The following NCKAP5 variants were observed in gnomAD, a reference collection of about 807,000 sequenced individuals.
The protein encoded by NCKAP5 is NCK associated protein 5, also known as nck-associated protein 5.
In NCKAP5, 92 loss-of-function variants were observed where a neutral mutation model predicts 167.0. That is an observed-to-expected ratio of 0.55 (90% confidence interval 0.47 to 0.66). The LOEUF is 0.66. Ranked by LOEUF, NCKAP5 falls within the 30% of genes least tolerant of loss-of-function variation. NCKAP5 has a pLI of 0.00. For synonymous variants in NCKAP5, 891 were observed against 877.4 expected (o/e 1.02, Z -0.27); for missense variants, 2,378 against 2,315.0 (o/e 1.03, Z -0.56).
In NCKAP5 at chr2:133,115,621, TTCTC is replaced by T. The variant is rs1401998222; in HGVS notation, c.341+14353_341+14356del. On this transcript the variant is annotated intron_variant, in intron 6 of 19. Coordinates refer to ENST00000409261, the MANE Select transcript of NCKAP5 (RefSeq NM_207363.3). ...GCTTCTATTCTTTTCCCATCCCATC[TTCTC>T]TCTTTCTATTTAAAGTTAACAACTT... Among the ~76,000 whole-genome samples the T allele has an allele frequency of 2.6e-5, 4 of 151,674 alleles. No individual in the cohort carries two copies. The East Asian group carries it at 7.7e-4, about 29-fold the overall frequency.
intron 19 of NCKAP5, among the ~76,000 whole-genome samples, chr2:132,700,913 G>A (rs7559639): frequency 1.4e-3 from 171 of 120,884 alleles, no homozygotes; most frequent in African/African-American, 5.4e-3. Context: ...CCTGCATGCT[G>A]GTTACAATCC....
the NCKAP5 span, among the ~76,000 whole-genome samples, chr2:133,660,493 G>A: frequency 6.6e-6 from 1 of 152,032 alleles, no homozygotes; most frequent in Non-Finnish European, 1.5e-5. Flanking sequence ...GGGATTGCAT[G>A]CAATTTTTTA....
At chr2:133,629,663 CA>C in the NCKAP5 span, among the ~76,000 whole-genome samples, 1 of 151,896 alleles carries the variant, frequency 6.6e-6, no homozygotes, top group African/African-American at 2.4e-5. Flanking sequence ...CATTGTATCA[CA>C]AAGATTCATG....
intron 19 of NCKAP5, among the ~76,000 whole-genome samples, chr2:132,721,581 G>A (rs1000078543): frequency 1.3e-5 from 2 of 152,132 alleles, no homozygotes; most frequent in African/African-American, 2.4e-5. Context: ...CTCAAGGCAC[G>A]TCCTCCTGTT....
intron 19 of NCKAP5, among the ~76,000 whole-genome samples, chr2:132,683,396 C>A (rs1285853784): frequency 6.6e-6 from 1 of 152,160 alleles, no homozygotes; most frequent in East Asian, 1.9e-4. Context: ...TTGGCAACAG[C>A]AATTTTCTTT....
rs763002749 is a variant in NCKAP5, at chr2:133,517,570, C to T, written c.-44G>A. ...TCTTTTGTGACTTATAAGAATCCCC[C>T]GTCTGTTTCCAGGGTCACTGAAAAG... On this transcript the variant is annotated 5_prime_UTR_variant, in exon 3 of 20. Transcript: ENST00000409261. 41 of 1,326,260 alleles carry T rather than the reference C, an allele frequency of 3.1e-5. 1 individual carries two copies. The highest frequency in any genetic ancestry group is 3.0e-4 in the South Asian group (21 of 69,706). 82.2% of individuals were successfully genotyped at this position (1,326,260 alleles called of 1,614,324 possible). A position where few individuals can be genotyped will look rare whatever the true frequency, so the allele number is the denominator to read the frequency against.
chr2:133,392,346 T>C (rs1490091394), intron 3 of NCKAP5, among the ~76,000 whole-genome samples: 1 of 152,204 alleles, frequency 6.6e-6, no homozygotes, highest in Non-Finnish European at 1.5e-5. Flanking sequence ...CCTAGGTGTA[T>C]AGGAAGCTAT....
chr2:132,944,888 G>C (rs1697582652), intron 8 of NCKAP5, among the ~76,000 whole-genome samples: 1 of 152,124 alleles, frequency 6.6e-6, no homozygotes, highest in African/African-American at 2.4e-5. Flanking sequence ...ATAAATGAGG[G>C]ACTGTGGGCA....
chr2:132,740,078 G>C (rs1004144671), intron 16 of NCKAP5, among the ~76,000 whole-genome samples: 1 of 152,038 alleles, frequency 6.6e-6, no homozygotes. Context: ...AATTATGCTA[G>C]TAATCACCTT....
At chr2:133,266,681 G>A (rs963781222) in intron 4 of NCKAP5, among the ~76,000 whole-genome samples, 1 of 152,166 alleles carries the variant, frequency 6.6e-6, no homozygotes, top group South Asian at 2.1e-4. Context: ...TGGGCCACGC[G>A]CTCACCGCAG....
rs542392659 is a variant in NCKAP5, at chr2:133,217,220, T to C, written c.144-3441A>G. Among the ~76,000 whole-genome samples, 11 of 152,240 alleles carry C rather than the reference T, an allele frequency of 7.2e-5. No homozygotes were observed. The South Asian group carries it at 2.3e-3, about 32-fold the overall frequency. On this transcript the variant is annotated intron_variant, in intron 4 of 19. Transcript: ENST00000409261. ...GATATTTTAAATTTAAAAGTTTCTC[T>C]TTACTTTTGTAATGAAGTATAAAGT...
chr2:133,374,974 C>G (rs531808964), intron 3 of NCKAP5, among the ~76,000 whole-genome samples: 1 of 152,164 alleles, frequency 6.6e-6, no homozygotes, highest in African/African-American at 2.4e-5. Context: ...CCAAAGCCAA[C>G]TGGATTTCAA....
intron 5 of NCKAP5, among the ~76,000 whole-genome samples, chr2:133,136,936 T>A (rs1409693589): frequency 6.6e-6 from 1 of 152,114 alleles, no homozygotes; most frequent in Non-Finnish European, 1.5e-5. Context: ...CCCTACCTAT[T>A]GAGAATCTAA....
intron 11 of NCKAP5, among the ~76,000 whole-genome samples, chr2:132,837,760 G>A (rs777087873): frequency 6.6e-6 from 1 of 152,130 alleles, no homozygotes; most frequent in Non-Finnish European, 1.5e-5. Context: ...GAAGGCCTCC[G>A]TGCATGGACA....
At chr2:133,591,310 C>A in the NCKAP5 span, among the ~76,000 whole-genome samples, 2 of 152,184 alleles carry the variant, frequency 1.3e-5, no homozygotes, top group Non-Finnish European at 2.9e-5. Flanking sequence ...TCCCTTCCTG[C>A]TGAGTGAATG....
chr2:132,813,751 G>A (rs1686060645), intron 11 of NCKAP5, among the ~76,000 whole-genome samples: 1 of 152,112 alleles, frequency 6.6e-6, no homozygotes, highest in Non-Finnish European at 1.5e-5. Flanking sequence ...CCAAAGAAGG[G>A]AAAATGCAAT....
At chr2:133,069,697 T>C (rs1225848001) in intron 6 of NCKAP5, among the ~76,000 whole-genome samples, 4 of 152,110 alleles carry the variant, frequency 2.6e-5, no homozygotes, top group Non-Finnish European at 5.9e-5. Context: ...TTGGGTTAAA[T>C]GAGAACAGCT....
At chr2:133,194,908 G>A (rs535470450) in intron 5 of NCKAP5, among the ~76,000 whole-genome samples, 248 of 150,926 alleles carry the variant, frequency 1.6e-3, no homozygotes, top group African/African-American at 5.1e-3. Flanking sequence ...TAGCTCCATT[G>A]AGTTAAAATT....
At chr2:132,749,877 T>C (rs1679966269) in intron 16 of NCKAP5, among the ~76,000 whole-genome samples, 1 of 152,176 alleles carries the variant, frequency 6.6e-6, no homozygotes. Context: ...TGGAGGCTAG[T>C]ATAAAGGAGT....
Sources: gnomAD v4.1 joint callset for allele counts (sites outside exome capture counted in the v4.1 genomes callset) on GRCh38, gnomAD v4.1.1 for gene constraint, MANE v1.5 for transcripts, NCBI Gene and HGNC (gene_info 2026-07-23, HGNC 2026-07-21) for gene names.